DGKB: variants seen among roughly 807,000 people sequenced by gnomAD.
The protein encoded by DGKB is diacylglycerol kinase beta.
Under a neutral mutation model 114.3 loss-of-function variants are expected in DGKB, and 67 were observed. That is an observed-to-expected ratio of 0.59 (90% CI 0.48 to 0.72). The LOEUF is 0.72. Among genes scored for constraint, DGKB ranks in the 30% least tolerant of loss-of-function variants. DGKB has a pLI of 0.00. For missense variants in DGKB, 907 were observed against 975.2 expected (o/e 0.93, Z 0.93); for synonymous variants, 398 against 323.1 (o/e 1.23, Z -2.49).
intron 21 of DGKB, among the ~76,000 whole-genome samples, chr7:14,402,673 T>C (rs563725677): frequency 6.6e-6 from 1 of 152,046 alleles, no homozygotes; most frequent in East Asian, 1.9e-4. Context: ...AGAGTGATCA[T>C]TAATTTTATG....
chr7:14,571,785 A>G (rs182357637), intron 20 of DGKB, among the ~76,000 whole-genome samples: 3 of 152,338 alleles, frequency 2.0e-5, no homozygotes, highest in South Asian at 4.1e-4. Flanking sequence ...AAAGAAAAGA[A>G]GACTTACTGG....
chr7:14,343,460 C>T (rs888481132), intron 22 of DGKB, among the ~76,000 whole-genome samples: 8 of 151,728 alleles, frequency 5.3e-5, no homozygotes, highest in African/African-American at 1.9e-4. Context: ...TAGCATATTA[C>T]AAATCACCGT....
chr7:14,901,072 G>A (rs774801932), intron 1 of DGKB, among the ~76,000 whole-genome samples: 3 of 152,006 alleles, frequency 2.0e-5, no homozygotes, highest in Admixed American at 6.6e-5. Flanking sequence ...GATTCACAAG[G>A]TCACATGTAG....
At chr7:14,487,465 T>A (rs977038897) in intron 20 of DGKB, among the ~76,000 whole-genome samples, 1 of 152,194 alleles carries the variant, frequency 6.6e-6, no homozygotes, top group Non-Finnish European at 1.5e-5. Context: ...TAAGTGAATG[T>A]TAGTAATTTT....
At chr7:14,550,738 T>G (rs954111085) in intron 20 of DGKB, among the ~76,000 whole-genome samples, 1 of 152,144 alleles carries the variant, frequency 6.6e-6, no homozygotes, top group Non-Finnish European at 1.5e-5. Context: ...GTCATGAACA[T>G]GATGACGGAA....
chr7:14,591,030 C>CA (rs1801622417), intron 17 of DGKB, among the ~76,000 whole-genome samples: 1 of 152,042 alleles, frequency 6.6e-6, no homozygotes, highest in Non-Finnish European at 1.5e-5. Context: ...GCACTGGAGA[C>CA]ACAAGGTACA....
chr7:14,786,995 C>T (rs1013581457), intron 2 of DGKB, among the ~76,000 whole-genome samples: 1 of 152,192 alleles, frequency 6.6e-6, no homozygotes, highest in Non-Finnish European at 1.5e-5. Flanking sequence ...GAGGAGCTAT[C>T]CACTGTAAGT....
At chr7:14,837,534 A>G (rs1306141784) in intron 2 of DGKB, among the ~76,000 whole-genome samples, 2 of 152,194 alleles carry the variant, frequency 1.3e-5, no homozygotes, top group Non-Finnish European at 2.9e-5. Context: ...TTGCAAATTT[A>G]ACTTTAAATC....
intron 20 of DGKB, among the ~76,000 whole-genome samples, chr7:14,521,382 GT>G (rs1200996017): frequency 1.1e-4 from 16 of 152,066 alleles, no homozygotes; most frequent in African/African-American, 3.9e-4. Context: ...TCTTTCCACA[GT>G]TTGACTCAGC....
chr7:14,774,371 G>T (rs1238293147), intron 2 of DGKB, among the ~76,000 whole-genome samples: 2 of 152,204 alleles, frequency 1.3e-5, no homozygotes, highest in Non-Finnish European at 2.9e-5. Flanking sequence ...ATTCTAACTT[G>T]ATTGGATATT....
intron 23 of DGKB, among the ~76,000 whole-genome samples, chr7:14,246,096 G>A (rs974044597): frequency 9.9e-5 from 15 of 152,120 alleles, no homozygotes; most frequent in African/African-American, 3.4e-4. Context: ...CTTAATAGGG[G>A]ACATTTCTGT....
At chr7:14,823,330 T>A (rs1845205589) in intron 2 of DGKB, among the ~76,000 whole-genome samples, 1 of 152,076 alleles carries the variant, frequency 6.6e-6, no homozygotes. Flanking sequence ...ATTAAAAATA[T>A]TTTCTCAATT....
intron 1 of DGKB, among the ~76,000 whole-genome samples, chr7:14,898,298 A>G (rs1172498777): frequency 2.6e-5 from 4 of 152,038 alleles, no homozygotes; most frequent in Non-Finnish European, 5.9e-5. Flanking sequence ...GTGGAGGGTT[A>G]TAATAAGCCA....
At chr7:14,226,726 C>G (rs557807351) in intron 23 of DGKB, among the ~76,000 whole-genome samples, 1 of 152,044 alleles carries the variant, frequency 6.6e-6, no homozygotes, top group South Asian at 2.1e-4. Flanking sequence ...AAATATTTAT[C>G]AATATCCAGT....
intron 1 of DGKB, among the ~76,000 whole-genome samples, chr7:14,867,433 G>GT (rs77163900): frequency 2.3e-3 from 330 of 144,484 alleles, no homozygotes; most frequent in African/African-American, 5.4e-3. Flanking sequence ...TCTAGATTCT[G>GT]TTTTTTTTTT....
intron 14 of DGKB, among the ~76,000 whole-genome samples, chr7:14,621,968 C>A (rs1378716076): frequency 6.6e-6 from 1 of 152,014 alleles, no homozygotes; most frequent in East Asian, 1.9e-4. Context: ...AACTGACATT[C>A]CATCCCAGCT....
At chr7:14,170,937 T>G (rs1044869340) in intron 25 of DGKB, among the ~76,000 whole-genome samples, 1 of 152,030 alleles carries the variant, frequency 6.6e-6, no homozygotes, top group African/African-American at 2.4e-5. Context: ...GGAGGGGAAC[T>G]GGCAGTCAAG....
intron 23 of DGKB, among the ~76,000 whole-genome samples, chr7:14,224,339 T>G (rs1358492494): frequency 6.6e-6 from 1 of 152,056 alleles, no homozygotes; most frequent in Non-Finnish European, 1.5e-5. Context: ...TCCTTTGAAA[T>G]AGTTTCTATT....
chr7:14,816,523 T>C (rs915949129), intron 2 of DGKB: 1 of 152,306 alleles, frequency 6.6e-6, no homozygotes, highest in African/African-American at 2.4e-5. Flanking sequence ...CGGCTCCTCA[T>C]CAGAATAGCA....
Sources: allele counts gnomAD v4.1 joint callset (sites outside exome capture counted in the v4.1 genomes callset), GRCh38; gene constraint gnomAD v4.1.1; transcripts MANE v1.5; gene names NCBI Gene and HGNC (gene_info 2026-07-23, HGNC 2026-07-21).